Variants in EHMT1 observed in about 807,000 individuals in gnomAD.
EHMT1 encodes histone-lysine N-methyltransferase EHMT1.
A neutral mutation model predicts 147.2 loss-of-function variants in EHMT1; 15 were observed. The ratio of observed to expected loss-of-function variants is 0.10; its 90% CI spans 0.07 to 0.16. The LOEUF (loss-of-function observed/expected upper bound fraction) is 0.16, where lower values mean the gene tolerates loss of function less well. Among genes scored for constraint, EHMT1 ranks in the 10% least tolerant of loss-of-function variants. The pLI is 1.00. For missense variants in EHMT1, 1,587 were observed against 1,772.4 expected, an observed-to-expected ratio of 0.90 and a Z score of 1.88; for synonymous variants, 795 against 709.6, an observed-to-expected ratio of 1.12 and a Z score of -1.91.
intron 1 of EHMT1, among the ~76,000 whole-genome samples, chr9:137,645,752 C>T (rs999570916): frequency 4.6e-5 from 7 of 152,108 alleles, no homozygotes; most frequent in African/African-American, 1.2e-4. Flanking sequence ...TCTCCAGAAA[C>T]GTGGCTGCAG....
rs1373787025 is a variant in EHMT1 at position 137,731,064 on chromosome 9, A to G, written c.823+2535A>G. Among the ~76,000 whole-genome samples the G allele has an allele frequency of 6.6e-6, 1 of 152,150 alleles. No individual in the cohort carries two copies. Among genetic ancestry groups the G allele is most frequent in the African/African-American group, 2.4e-5 (1 of 41,434 alleles). ...TTTCTTTTCCTATTTTAGCTTTATT[A>G]TATCGCCATCTTTTAAAAAGAGCTT... On this transcript the variant is annotated intron_variant, in intron 4 of 26. Coordinates refer to ENST00000460843, the MANE Select transcript of EHMT1 (RefSeq NM_024757.5). The surrounding 1 kb of genome is among the most constrained non-coding windows in gnomAD (Gnocchi z 4.3).
At chr9:137,815,020 G>C (rs777215221) in intron 22 of EHMT1, among the ~76,000 whole-genome samples, 3 of 152,054 alleles carry the variant, frequency 2.0e-5, no homozygotes, top group Non-Finnish European at 1.5e-5. Flanking sequence ...AGTAGCCCTG[G>C]CTAGCAGGGG....
At chr9:137,796,569 T>G (rs1200437004) in intron 16 of EHMT1, among the ~76,000 whole-genome samples, 1 of 150,554 alleles carries the variant, frequency 6.6e-6, no homozygotes, top group Non-Finnish European at 1.5e-5. Flanking sequence ...CTGGGCGTGG[T>G]GGTGGGCGCC....
At chr9:137,667,626 T>G (rs1211186787) in intron 1 of EHMT1, 3 of 152,162 alleles carry the variant, frequency 2.0e-5, no homozygotes, top group African/African-American at 7.2e-5. Context: ...GTGGTGGATT[T>G]TAGCATTAGA....
chr9:137,692,247 TTTTC>T (rs200346564), intron 1 of EHMT1, among the ~76,000 whole-genome samples: 10,296 of 147,992 alleles, frequency 0.07, 432 homozygotes, highest in Middle Eastern at 0.18. Flanking sequence ...CTTTTTTTTC[TTTTC>T]TTTCTTTCTT....
intron 10 of EHMT1, among the ~76,000 whole-genome samples, chr9:137,768,447 A>G (rs926788370): frequency 4.5e-5 from 6 of 134,074 alleles, no homozygotes; most frequent in Non-Finnish European, 6.2e-5. Flanking sequence ...GCTGCCTCCC[A>G]GGTTCAAGCG....
chr9:137,721,727 C>T (rs185482640), intron 3 of EHMT1, among the ~76,000 whole-genome samples: 1 of 152,138 alleles, frequency 6.6e-6, no homozygotes, highest in East Asian at 1.9e-4. Context: ...AAATGTCTTT[C>T]AGACTTCTGC....
At chr9:137,777,674 G>T (rs1951057647) in intron 12 of EHMT1, among the ~76,000 whole-genome samples, 1 of 152,162 alleles carries the variant, frequency 6.6e-6, no homozygotes, top group Non-Finnish European at 1.5e-5. Context: ...GAGTGTATTT[G>T]AACACGCTGC....
At chr9:137,669,024 C>T (rs969091749) in intron 1 of EHMT1, among the ~76,000 whole-genome samples, 8 of 152,104 alleles carry the variant, frequency 5.3e-5, no homozygotes, top group Non-Finnish European at 8.8e-5. Flanking sequence ...TTAGCTGGGA[C>T]CACGTGCGTG....
chr9:137,639,032 A>G (rs1006524347), intron 1 of EHMT1, among the ~76,000 whole-genome samples: 9 of 152,108 alleles, frequency 5.9e-5, no homozygotes, highest in Non-Finnish European at 1.2e-4. Flanking sequence ...GCTTCCTATA[A>G]ATGTTGATAT....
chr9:137,700,532 C>T (rs565053203), intron 1 of EHMT1, among the ~76,000 whole-genome samples: 21 of 152,326 alleles, frequency 1.4e-4, no homozygotes, highest in African/African-American at 4.8e-4. Context: ...AGCTCAAGCA[C>T]GTCAAATGTG....
rs1443897364 is a variant in EHMT1 at position 137,790,928 on chromosome 9, A to G, written c.2463A>G (p.Ala821=). Residue 821 remains alanine (A), a synonymous_variant, in exon 16 of 27, where the codon GCA becomes GCG. Coordinates refer to ENST00000460843, the MANE Select transcript of EHMT1 (RefSeq NM_024757.5). Reference sequence around the variant, plus strand: ...CAGCCGAAAACAACCATCTGGAAGCAGTGAAGTACCTCATCAAGGCTGGGG... The same window carrying G: ...CAGCCGAAAACAACCATCTGGAAGCGGTGAAGTACCTCATCAAGGCTGGGG... ...MEAAENNHLE[A]VKYLIKAGAL... 1 of 1,614,218 alleles carries G rather than the reference A, an allele frequency of 6.2e-7. No individual in the cohort carries two copies. The highest frequency in any genetic ancestry group is 1.1e-5 in the South Asian group (1 of 91,080).
chr9:137,835,244 T>G lies in EHMT1; in HGVS notation c.*291T>G, dbSNP rs1588951073. 6.1e-6 allele frequency: 2 copies of G among 325,830 alleles called. No individual in the cohort carries two copies. Among genetic ancestry groups the G allele is most frequent in the Non-Finnish European group, 1.1e-5 (2 of 180,980 alleles). The allele number at this position is 325,830 out of a possible 1,614,324, so 20.2% of individuals were successfully genotyped here. On this transcript the variant is annotated 3_prime_UTR_variant, in exon 27 of 27. Coordinates refer to ENST00000460843, the MANE Select transcript of EHMT1 (RefSeq NM_024757.5). ...CCGCACTGGCATCACCTTCTGAGTT[T>G]CTGATGCTGATTTGTCGTTGCGAAG... is the stretch of plus-strand genomic sequence containing the variant.
chr9:137,822,614 G>A lies in EHMT1; in HGVS notation c.3540+4476G>A, dbSNP rs757114361. On this transcript the variant is annotated intron_variant, in intron 25 of 26. Coordinates refer to ENST00000460843, the MANE Select transcript of EHMT1 (RefSeq NM_024757.5). ...TAATTTTTAAAATTTGCCAGTTTGG[G>A]CCGGGCGCAGTGGCTCACGCCTGTA... 1.1e-4 allele frequency among the ~76,000 whole-genome samples: 16 copies of A among 152,070 alleles called. 1 individual carries two copies. Among genetic ancestry groups the A allele is most frequent in the Non-Finnish European group, 2.4e-4 (16 of 68,028 alleles).
At chr9:137,676,696 T>G (rs949854707) in intron 1 of EHMT1, among the ~76,000 whole-genome samples, 1 of 152,190 alleles carries the variant, frequency 6.6e-6, no homozygotes. Flanking sequence ...GGAGTCCGCA[T>G]GAGCAGTGGG....
intron 2 of EHMT1, among the ~76,000 whole-genome samples, chr9:137,712,604 C>T (rs1289939630): frequency 1.3e-5 from 2 of 152,154 alleles, no homozygotes; most frequent in Non-Finnish European, 2.9e-5. Context: ...AATATCTCTT[C>T]TCCTGTGATT....
chr9:137,729,902 GTTC>G (rs1348730283), intron 4 of EHMT1, among the ~76,000 whole-genome samples: 3 of 152,196 alleles, frequency 2.0e-5, no homozygotes, highest in Non-Finnish European at 4.4e-5. Context: ...TCAGTGTCCT[GTTC>G]CGCATTTCCC....
At chr9:137,650,304 G>T (rs1937656331) in intron 1 of EHMT1, among the ~76,000 whole-genome samples, 1 of 152,080 alleles carries the variant, frequency 6.6e-6, no homozygotes, top group African/African-American at 2.4e-5. Flanking sequence ...TCACCATGTT[G>T]CCCAGGCTAT....
At chr9:137,766,544 G>C (rs1950230131) in intron 10 of EHMT1, among the ~76,000 whole-genome samples, 1 of 152,232 alleles carries the variant, frequency 6.6e-6, no homozygotes. Context: ...GAGCCTGGGA[G>C]GCGACGGTTG....
Sources: allele counts gnomAD v4.1 joint callset (sites outside exome capture counted in the v4.1 genomes callset), GRCh38; gene constraint gnomAD v4.1.1; non-coding constraint Gnocchi (gnomAD v3.1); transcripts MANE v1.5; gene names NCBI Gene and HGNC (gene_info 2026-07-23, HGNC 2026-07-21).